DDX19B: variants seen among roughly 807,000 people sequenced by gnomAD.
DDX19B encodes DEAD-box helicase 19B, also known as ATP-dependent RNA helicase DDX19B.
Under a neutral mutation model 58.1 loss-of-function variants are expected in DDX19B, and 27 were observed. The ratio of observed to expected loss-of-function variants is 0.46; its 90% CI spans 0.34 to 0.64. DDX19B has a LOEUF of 0.64. Ranked by LOEUF, DDX19B falls within the 30% of genes least tolerant of loss-of-function variation. The pLI, the probability that DDX19B is intolerant of heterozygous loss-of-function variation, is 0.01. For missense variants in DDX19B, 399 were observed against 596.5 expected (o/e 0.67, Z 3.45); for synonymous variants, 187 against 214.4 (o/e 0.87, Z 1.12).
upstream of DDX19B, among the ~76,000 whole-genome samples, chr16:70,298,008 T>C (rs1196829786): frequency 6.6e-6 from 1 of 152,188 alleles, no homozygotes. Context: ...TGTGAGCTAC[T>C]GTGCCTGGCC....
At chr16:70,293,476 C>A (rs1961110256), upstream of DDX19B, among the ~76,000 whole-genome samples, 1 of 150,972 alleles carries the variant, frequency 6.6e-6, no homozygotes, top group African/African-American at 2.4e-5. Flanking sequence ...ACTAACATAG[C>A]TTTGGAAGGA....
chr16:70,302,461 C>T (rs1597464177), intron 1 of DDX19B, among the ~76,000 whole-genome samples: 1 of 152,170 alleles, frequency 6.6e-6, no homozygotes, highest in African/African-American at 2.4e-5. Context: ...TTTGCCTTTT[C>T]CAACATGTCA....
At chr16:70,298,825 C>T (rs1490909872), upstream of DDX19B, among the ~76,000 whole-genome samples, 1 of 152,094 alleles carries the variant, frequency 6.6e-6, no homozygotes, top group African/African-American at 2.4e-5. Context: ...GGGCTGATTG[C>T]CAACATCTGG....
intron 5 of DDX19B, among the ~76,000 whole-genome samples, chr16:70,324,362 C>CAAAAA (rs57977602): frequency 1.4e-4 from 7 of 48,854 alleles, no homozygotes; most frequent in Non-Finnish European, 1.9e-4. Context: ...GACCTAATCT[C>CAAAAA]AAAAAAAAAA....
At chr16:70,313,732 C>A (rs1056742273) in intron 2 of DDX19B, among the ~76,000 whole-genome samples, 19 of 152,108 alleles carry the variant, frequency 1.2e-4, no homozygotes, top group Non-Finnish European at 5.9e-5. Flanking sequence ...GGAAATGTAA[C>A]ATTTGCCTTT....
At chr16:70,327,563 ATT>A (rs71387516) in intron 7 of DDX19B, among the ~76,000 whole-genome samples, 35 of 146,266 alleles carry the variant, frequency 2.4e-4, no homozygotes, top group Non-Finnish European at 2.4e-4. Flanking sequence ...AAACAAACAA[ATT>A]TTTTTTTTTT....
Position 70,331,739 on chromosome 16 carries a change from T to A in DDX19B, c.1041T>A (p.Ser347Arg). 1 of 1,613,864 alleles carries A rather than the reference T, an allele frequency of 6.2e-7. No homozygotes were observed. Among genetic ancestry groups the A allele is most frequent in the Non-Finnish European group, 8.5e-7 (1 of 1,179,960 alleles). The change falls in exon 10 of 12, where the codon AGT (serine) becomes AGA (arginine). Residue 347 changes from serine to arginine, a missense_variant. Coordinates refer to ENST00000288071, the MANE Select transcript of DDX19B (RefSeq NM_007242.7). ...MIFCHTRKTA[S>R]WLAAELSKEG... is the part of the protein sequence containing the mutation. ...CACTACAGACTCGCAAAACAGCTAG[T>A]TGGCTGGCAGCAGAGCTCTCAAAAG...
intron 1 of DDX19B, among the ~76,000 whole-genome samples, chr16:70,302,300 T>C (rs1567622623): frequency 6.6e-6 from 1 of 152,150 alleles, no homozygotes; most frequent in Non-Finnish European, 1.5e-5. Context: ...TAGTGTACAG[T>C]TCTATGAATT....
intron 5 of DDX19B, 68 bp from the exon 6 acceptor site, chr16:70,324,517 C>A: frequency 7.1e-7 from 1 of 1,414,384 alleles, no homozygotes; most frequent in South Asian, 1.2e-5. Flanking sequence ...TTTTAATACT[C>A]ATTTTTTTAA....
chr16:70,319,207 T>C (rs752372112), intron 5 of DDX19B, among the ~76,000 whole-genome samples: 6 of 152,206 alleles, frequency 3.9e-5, no homozygotes, highest in Non-Finnish European at 7.3e-5. Flanking sequence ...GTTTATATCG[T>C]ATATGCACCA....
At chr16:70,300,392 G>C (rs1387475059) in intron 1 of DDX19B, among the ~76,000 whole-genome samples, 1 of 151,570 alleles carries the variant, frequency 6.6e-6, no homozygotes, top group Non-Finnish European at 1.5e-5. Context: ...TTTTTTTGTA[G>C]AGATGGGGAC....
intron 9 of DDX19B, 89 bp downstream of exon 9, chr16:70,330,157 A>C: frequency 1.3e-6 from 2 of 1,481,940 alleles, no homozygotes; most frequent in Non-Finnish European, 1.9e-6. Context: ...CCTGGGTGCC[A>C]TGGGAAGAAA....
intron 1 of DDX19B, among the ~76,000 whole-genome samples, chr16:70,302,963 T>C (rs78134471): frequency 0.072 from 10,886 of 152,228 alleles, 1,309 homozygotes; most frequent in African/African-American, 0.25. Context: ...TTTTAACTTA[T>C]ATATCTCCCT....
rs771112830 is a variant in DDX19B, at chr16:70,299,349, G to C, written c.52G>C (p.Glu18Gln). 5 of 1,608,312 alleles carry C rather than the reference G, an allele frequency of 3.1e-6. No homozygotes were observed. Among genetic ancestry groups the C allele is most frequent in the Non-Finnish European group, 4.2e-6 (5 of 1,177,734 alleles). ...LAVDEQEAAA[E>Q]SLSNLHLKEE... ...GGTGGACGAGCAGGAAGCTGCGGCT[G>C]AGTCGGTGAGTTGGCTTCAGCCCTA... Residue 18 changes from glutamate to glutamine, a missense_variant, in exon 1 of 12, where the codon GAG becomes CAG. By Grantham distance (29) the Glu-to-Gln change is conservative. This residue lies in a region of DDX19B where 132 missense variants were observed against 159.4 expected (regional missense o/e 0.83). Transcript: ENST00000288071.
chr16:70,327,838 A>G (rs925897988), intron 7 of DDX19B, among the ~76,000 whole-genome samples: 1 of 152,106 alleles, frequency 6.6e-6, no homozygotes, highest in Non-Finnish European at 1.5e-5. Flanking sequence ...TTTACAGTTA[A>G]TATTATTTAA....
At chr16:70,312,457 A>G (rs1962142046) in intron 1 of DDX19B, 152 bp from the exon 2 acceptor site, 1 of 697,766 alleles carries the variant, frequency 1.4e-6, no homozygotes, top group South Asian at 1.8e-5. Context: ...TCAGACATTT[A>G]GTAAACGGAA....
At chr16:70,294,545 A>T (rs1393787432), upstream of DDX19B, among the ~76,000 whole-genome samples, 1 of 152,074 alleles carries the variant, frequency 6.6e-6, no homozygotes, top group East Asian at 1.9e-4. Flanking sequence ...ATGGCTCATG[A>T]TTCACCAAAT....
chr16:70,305,414 T>C (rs112954485), intron 1 of DDX19B, among the ~76,000 whole-genome samples: 3 of 152,222 alleles, frequency 2.0e-5, no homozygotes, highest in African/African-American at 7.2e-5. Flanking sequence ...CTGGCAGGCA[T>C]TGTTAACTGA....
At position 70,317,488 on chromosome 16, in the gene DDX19B, T is replaced by C; in HGVS notation, c.297-8T>C. 1 of 1,607,938 alleles carries C rather than the reference T, an allele frequency of 6.2e-7. No homozygotes were observed. The highest frequency in any genetic ancestry group is 8.5e-7 in the Non-Finnish European group (1 of 1,176,692). On this transcript the variant is annotated splice_polypyrimidine_tract_variant and splice_region_variant and intron_variant, in intron 4 of 11. Coordinates refer to ENST00000288071, the MANE Select transcript of DDX19B (RefSeq NM_007242.7). Reference sequence around the variant, plus strand: ...GACTGTGACTTTCATCTTTAACTGTTTTTCTAGGAAACCACAGCTTCTCCA... The same window carrying C: ...GACTGTGACTTTCATCTTTAACTGTCTTTCTAGGAAACCACAGCTTCTCCA...
Sources: allele counts gnomAD v4.1 joint callset (sites outside exome capture counted in the v4.1 genomes callset), GRCh38; gene constraint gnomAD v4.1.1; regional missense constraint gnomAD v4.1.1; transcripts MANE v1.5; gene names NCBI Gene and HGNC (gene_info 2026-07-23, HGNC 2026-07-21).